ARMH3: variants seen among roughly 807,000 people sequenced by gnomAD.
The protein encoded by ARMH3 is armadillo-like helical domain-containing protein 3.
Under a neutral mutation model 99.1 loss-of-function variants are expected in ARMH3, and 60 were observed. That is an observed-to-expected ratio of 0.61 (90% CI 0.49 to 0.75). The LOEUF is 0.75. ARMH3 is among the 30% of genes least tolerant of loss of function. ARMH3 has a pLI of 0.00. For missense variants in ARMH3, 679 were observed against 843.1 expected (o/e 0.81, Z 2.41); for synonymous variants, 285 against 292.8 (o/e 0.97, Z 0.27).
intron 1 of ARMH3, among the ~76,000 whole-genome samples, chr10:102,048,916 C>A (rs1326072908): frequency 6.6e-6 from 1 of 152,162 alleles, no homozygotes; most frequent in Admixed American, 6.6e-5. Context: ...TAAACATTAG[C>A]ACTATAAGAA....
intron 23 of ARMH3, among the ~76,000 whole-genome samples, chr10:101,929,934 C>G (rs1353493578): frequency 6.6e-6 from 1 of 151,980 alleles, no homozygotes; most frequent in Non-Finnish European, 1.5e-5. Flanking sequence ...ATTATACTTA[C>G]CAGTTGAGCA....
intron 18 of ARMH3, among the ~76,000 whole-genome samples, chr10:101,991,463 C>T (rs1366551116): frequency 6.6e-6 from 1 of 152,182 alleles, no homozygotes; most frequent in Non-Finnish European, 1.5e-5. Context: ...TCACTGCAAC[C>T]TCTGCCTCCT....
At chr10:102,027,174 G>C (rs1456368047) in intron 5 of ARMH3, among the ~76,000 whole-genome samples, 1 of 151,844 alleles carries the variant, frequency 6.6e-6, no homozygotes, top group Non-Finnish European at 1.5e-5. Context: ...AGCTACTCAG[G>C]TGGCTGAGGC....
intron 24 of ARMH3, among the ~76,000 whole-genome samples, chr10:101,851,043 G>A (rs1420868341): frequency 6.6e-6 from 1 of 152,198 alleles, no homozygotes; most frequent in African/African-American, 2.4e-5. Flanking sequence ...TGCCAACTCA[G>A]TCTTCTTATC....
chr10:101,913,392 G>GTC (rs1415266470), intron 23 of ARMH3: 1 of 138,618 alleles, frequency 7.2e-6, no homozygotes, highest in African/African-American at 2.7e-5. Context: ...TTGAGACAGG[G>GTC]TCTCTCTCTA....
At chr10:101,895,381 G>A (rs1300605034) in intron 23 of ARMH3, among the ~76,000 whole-genome samples, 2 of 150,410 alleles carry the variant, frequency 1.3e-5, no homozygotes, top group African/African-American at 4.9e-5. Flanking sequence ...CCGGGTTCAC[G>A]CCATTCTCCG....
At chr10:102,037,184 T>C (rs2136230946) in intron 2 of ARMH3, among the ~76,000 whole-genome samples, 1 of 139,876 alleles carries the variant, frequency 7.1e-6, no homozygotes, top group East Asian at 2.0e-4. Flanking sequence ...TTTTGTTTTC[T>C]TTTTTTTTTT....
At chr10:102,004,389 A>G (rs1443328220) in intron 14 of ARMH3, among the ~76,000 whole-genome samples, 1 of 152,232 alleles carries the variant, frequency 6.6e-6, no homozygotes, top group Non-Finnish European at 1.5e-5. Flanking sequence ...CTTCCTAAGG[A>G]AGAGTCATTC....
intron 24 of ARMH3, among the ~76,000 whole-genome samples, chr10:101,888,331 T>C (rs1457059528): frequency 2.0e-5 from 3 of 152,032 alleles, no homozygotes; most frequent in African/African-American, 7.3e-5. Flanking sequence ...TAAAAGCAGT[T>C]TTAAATGTGA....
At chr10:101,852,722 A>G (rs564960340) in intron 24 of ARMH3, among the ~76,000 whole-genome samples, 13 of 151,842 alleles carry the variant, frequency 8.6e-5, no homozygotes, top group African/African-American at 2.9e-4. Flanking sequence ...CCACTGCACT[A>G]CTGCCTGGAT....
chr10:101,849,186 C>T (rs1372445317), intron 25 of ARMH3, among the ~76,000 whole-genome samples: 5 of 152,122 alleles, frequency 3.3e-5, no homozygotes, highest in Admixed American at 2.0e-4. Flanking sequence ...TACAGGACTG[C>T]AGGGGGGCTG....
chr10:101,985,699 G>C (rs1368600285), intron 19 of ARMH3, among the ~76,000 whole-genome samples: 1 of 151,892 alleles, frequency 6.6e-6, no homozygotes, highest in Non-Finnish European at 1.5e-5. Flanking sequence ...GGACGACAAA[G>C]CAAGACCCTG....
intron 24 of ARMH3, among the ~76,000 whole-genome samples, chr10:101,886,500 A>C (rs2067548061): frequency 6.6e-6 from 1 of 152,020 alleles, no homozygotes; most frequent in Non-Finnish European, 1.5e-5. Flanking sequence ...ACAGAGTGAG[A>C]CTCTGTCTCA....
At chr10:102,030,641 G>T (rs912444743) in intron 4 of ARMH3, among the ~76,000 whole-genome samples, 1 of 152,048 alleles carries the variant, frequency 6.6e-6, no homozygotes, top group Non-Finnish European at 1.5e-5. Context: ...CCCAGGAGAC[G>T]GATGTTGCAG....
intron 24 of ARMH3, among the ~76,000 whole-genome samples, chr10:101,868,562 C>A (rs545808017): frequency 6.6e-6 from 1 of 152,174 alleles, no homozygotes. Flanking sequence ...GCAAGACCAA[C>A]CCCTCCCTCC....
intron 1 of ARMH3, among the ~76,000 whole-genome samples, chr10:102,050,310 G>A (rs1222600789): frequency 2.0e-5 from 3 of 150,188 alleles, no homozygotes; most frequent in East Asian, 2.0e-4. Flanking sequence ...TTAGCCAGGC[G>A]TGGTGGTGGG....
intron 22 of ARMH3, among the ~76,000 whole-genome samples, chr10:101,949,060 C>T (rs1265207572): frequency 6.6e-6 from 1 of 151,432 alleles, no homozygotes; most frequent in Non-Finnish European, 1.5e-5. Context: ...AATAAAAATA[C>T]AACAAAAAAA....
At chr10:102,028,485 C>T (rs2067051258) in intron 5 of ARMH3, among the ~76,000 whole-genome samples, 2 of 152,068 alleles carry the variant, frequency 1.3e-5, no homozygotes, top group Admixed American at 1.3e-4. Context: ...TTGAAAGGAC[C>T]CAAATACCTA....
At chr10:101,998,138 T>C (rs960687116) in intron 15 of ARMH3, among the ~76,000 whole-genome samples, 2 of 152,226 alleles carry the variant, frequency 1.3e-5, no homozygotes, top group Non-Finnish European at 2.9e-5. Flanking sequence ...GAAGCTTATA[T>C]AATCACTAAA....
Sources: allele counts gnomAD v4.1 joint callset (sites outside exome capture counted in the v4.1 genomes callset), GRCh38; gene constraint gnomAD v4.1.1; transcripts MANE v1.5; gene names NCBI Gene and HGNC (gene_info 2026-07-23, HGNC 2026-07-21).